The following DNAJC3 variants were observed in gnomAD, a reference collection of about 807,000 sequenced individuals.
DNAJC3 encodes the protein dnaJ homolog subfamily C member 3.
A neutral mutation model predicts 68.6 loss-of-function variants in DNAJC3; 38 were observed. The observed-to-expected ratio is 0.55, with a 90% CI of 0.43 to 0.73. The LOEUF (loss-of-function observed/expected upper bound fraction) is 0.73. Ranked by LOEUF, DNAJC3 falls within the 30% of genes least tolerant of loss-of-function variation. The pLI is 0.00. For missense variants in DNAJC3, 526 were observed against 591.9 expected, an observed-to-expected ratio of 0.89 and a Z score of 1.16; for synonymous variants, 203 against 204.0, an observed-to-expected ratio of 1.00 and a Z score of 0.04.
chr13:95,758,070 A>G (rs1250905778), intron 5 of DNAJC3, among the ~76,000 whole-genome samples: 1 of 152,222 alleles, frequency 6.6e-6, no homozygotes, highest in East Asian at 1.9e-4. Context: ...TTTTTTGGGA[A>G]GAAAACTCTA....
intron 11 of DNAJC3, among the ~76,000 whole-genome samples, chr13:95,790,345 G>A (rs1290892432): frequency 1.3e-5 from 2 of 152,088 alleles, no homozygotes; most frequent in African/African-American, 4.8e-5. Context: ...AGGCCCCGCT[G>A]TGGGGGCACC....
intron 2 of DNAJC3, among the ~76,000 whole-genome samples, chr13:95,715,154 C>T (rs373822718): frequency 2.3e-4 from 35 of 152,246 alleles, no homozygotes; most frequent in East Asian, 5.8e-4. Flanking sequence ...TGAGCACTTT[C>T]GAAGGCTGAG....
In DNAJC3 at chr13:95,708,124, A is replaced by G. The variant is rs80129892; in HGVS notation, c.83-1103A>G. Among the ~76,000 whole-genome samples, 21 of 152,274 alleles carry G rather than the reference A, an allele frequency of 1.4e-4. No homozygotes were observed. The East Asian group carries it at 3.9e-3, about 28-fold the overall frequency. ...CAGGAAGTCCACCCCATGACAGACCATGCAGCAGGAGCCAGAAGACAGTAA... is the reference window on the plus strand; with the variant it reads ...CAGGAAGTCCACCCCATGACAGACCGTGCAGCAGGAGCCAGAAGACAGTAA... On this transcript the variant is annotated intron_variant, in intron 1 of 11. Transcript: ENST00000602402.
intron 4 of DNAJC3, among the ~76,000 whole-genome samples, chr13:95,750,262 CA>C (rs1204619522): frequency 0.027 from 1,748 of 65,678 alleles, 20 homozygotes; most frequent in African/African-American, 0.068. Flanking sequence ...GACCCTGTCT[CA>C]AAAAAAAAAA....
intron 3 of DNAJC3, 67 bp downstream of exon 3, chr13:95,723,433 T>TA: frequency 1.3e-6 from 2 of 1,550,204 alleles, no homozygotes; most frequent in Non-Finnish European, 1.8e-6. Context: ...ATTTGTTTCA[T>TA]AAGGTGAGGA....
intron 10 of DNAJC3, 125 bp downstream of exon 10, chr13:95,786,196 C>A: frequency 2.8e-6 from 3 of 1,065,224 alleles, no homozygotes; most frequent in Non-Finnish European, 2.6e-6. Flanking sequence ...ATGGATTAAA[C>A]CTTAACAGTC....
intron 1 of DNAJC3, chr13:95,692,973 A>T (rs1438941963): frequency 2.0e-5 from 3 of 151,916 alleles, no homozygotes; most frequent in Non-Finnish European, 2.9e-5. Flanking sequence ...GGCGCCCGCC[A>T]CTGGGCCCAG....
chr13:95,691,550 A>G, intron 1 of DNAJC3, among the ~76,000 whole-genome samples: 1 of 150,744 alleles, frequency 6.6e-6, no homozygotes, highest in South Asian at 2.1e-4. Context: ...GGCCGGGCAG[A>G]GACGCTCCTC....
chr13:95,697,467 A>G (rs191005545), intron 1 of DNAJC3, among the ~76,000 whole-genome samples: 67 of 152,334 alleles, frequency 4.4e-4, no homozygotes, highest in African/African-American at 1.5e-3. Context: ...AGATTCGCTG[A>G]TAGTCTGATG....
At chr13:95,777,484 C>T (rs1883323515) in intron 9 of DNAJC3, among the ~76,000 whole-genome samples, 2 of 152,170 alleles carry the variant, frequency 1.3e-5, no homozygotes. Flanking sequence ...ACAGGTTATA[C>T]ATGAATTGTA....
intron 1 of DNAJC3, among the ~76,000 whole-genome samples, chr13:95,700,734 C>T (rs539380267): frequency 6.6e-6 from 1 of 152,302 alleles, no homozygotes; most frequent in African/African-American, 2.4e-5. Context: ...TACTTGACCT[C>T]CATATCTAGC....
intron 1 of DNAJC3, among the ~76,000 whole-genome samples, chr13:95,704,498 A>C (rs1225600670): frequency 6.6e-6 from 1 of 152,206 alleles, no homozygotes; most frequent in African/African-American, 2.4e-5. Flanking sequence ...AGTTAATCTT[A>C]GTGTCATGAG....
chr13:95,784,865 T>C (rs2139696593), intron 9 of DNAJC3, among the ~76,000 whole-genome samples: 1 of 152,226 alleles, frequency 6.6e-6, no homozygotes, highest in East Asian at 1.9e-4. Context: ...TCCCAGCTAC[T>C]TCATGGGCCT....
chr13:95,755,615 G>C (rs924414695), intron 4 of DNAJC3, among the ~76,000 whole-genome samples: 5 of 151,338 alleles, frequency 3.3e-5, no homozygotes, highest in Admixed American at 3.3e-4. Flanking sequence ...AAATTAGCCG[G>C]GCATGGTGGC....
chr13:95,677,367 T>C (rs781708133), intron 1 of DNAJC3, 30 bp downstream of exon 1: 3 of 1,559,434 alleles, frequency 1.9e-6, no homozygotes, highest in Non-Finnish European at 2.6e-6. Context: ...GGCCAGGAAG[T>C]GGGCTCCCGG....
chr13:95,758,081 G>A (rs1294274513), intron 5 of DNAJC3, among the ~76,000 whole-genome samples: 1 of 152,178 alleles, frequency 6.6e-6, no homozygotes, highest in Non-Finnish European at 1.5e-5. Flanking sequence ...GAAAACTCTA[G>A]CGGTTAGATA....
At chr13:95,705,017 A>G (rs1016755824) in intron 1 of DNAJC3, among the ~76,000 whole-genome samples, 1 of 151,848 alleles carries the variant, frequency 6.6e-6, no homozygotes, top group East Asian at 1.9e-4. Context: ...ACATCCAGCT[A>G]ATCTCTGTAT....
intron 1 of DNAJC3, among the ~76,000 whole-genome samples, chr13:95,680,850 T>A (rs1879892313): frequency 6.6e-6 from 1 of 152,228 alleles, no homozygotes; most frequent in Non-Finnish European, 1.5e-5. Flanking sequence ...TGGGAACCCA[T>A]TCACCTGCTC....
intron 1 of DNAJC3, among the ~76,000 whole-genome samples, chr13:95,697,883 G>T (rs1365235968): frequency 1.4e-5 from 2 of 145,964 alleles, no homozygotes; most frequent in Non-Finnish European, 3.0e-5. Flanking sequence ...ACCTTCTCTT[G>T]GTTCTCATTG....
Sources: allele counts gnomAD v4.1 joint callset (sites outside exome capture counted in the v4.1 genomes callset), GRCh38; gene constraint gnomAD v4.1.1; transcripts MANE v1.5; gene names NCBI Gene and HGNC (gene_info 2026-07-23, HGNC 2026-07-21).